The following LDB2 variants were observed in gnomAD, a reference collection of about 807,000 sequenced individuals.
LDB2 encodes LIM domain-binding protein 2.
LDB2 carries 12 observed loss-of-function variants against 44.3 expected under a neutral mutation model. The observed-to-expected ratio is 0.27, with a 90% CI of 0.17 to 0.44. The LOEUF is 0.44. Ranked by LOEUF, LDB2 falls within the 20% of genes least tolerant of loss-of-function variation. The pLI is 1.00. For synonymous variants in LDB2, 164 were observed against 174.8 expected (o/e 0.94, Z 0.49); for missense variants, 344 against 473.5 (o/e 0.73, Z 2.54).
At chr4:16,772,374 A>T (rs77950873) in intron 1 of LDB2, among the ~76,000 whole-genome samples, 6,159 of 152,318 alleles carry the variant, frequency 0.04, 189 homozygotes, top group Non-Finnish European at 0.058. Flanking sequence ...CTGCCTGAAT[A>T]AATGAATACA....
chr4:16,742,920 G>A (rs917559150), intron 2 of LDB2, among the ~76,000 whole-genome samples: 1 of 152,036 alleles, frequency 6.6e-6, no homozygotes, highest in Non-Finnish European at 1.5e-5. Flanking sequence ...CATTGCCTCT[G>A]CCATGCCTCC....
At chr4:16,730,068 C>T (rs1760416002) in intron 2 of LDB2, among the ~76,000 whole-genome samples, 1 of 152,126 alleles carries the variant, frequency 6.6e-6, no homozygotes, top group Non-Finnish European at 1.5e-5. Context: ...CAGGTCTGTT[C>T]TATTCTATTC....
At chr4:16,779,596 AT>A (rs1212160714) in intron 1 of LDB2, among the ~76,000 whole-genome samples, 1 of 152,212 alleles carries the variant, frequency 6.6e-6, no homozygotes, top group Admixed American at 6.5e-5. Context: ...CATAGGAGAC[AT>A]GGCTGCGTCC....
chr4:16,606,199 T>G (rs1182179334), intron 2 of LDB2, among the ~76,000 whole-genome samples: 2 of 152,194 alleles, frequency 1.3e-5, no homozygotes, highest in Non-Finnish European at 2.9e-5. Flanking sequence ...TAGTCAATAA[T>G]ACGCTTTCAG....
intron 1 of LDB2, among the ~76,000 whole-genome samples, chr4:16,768,434 A>G (rs1236930970): frequency 1.3e-5 from 2 of 152,308 alleles, no homozygotes; most frequent in African/African-American, 4.8e-5. Context: ...CCTTTCTCAG[A>G]AGATACTGAA....
chr4:16,614,586 A>C (rs1218107962), intron 2 of LDB2, among the ~76,000 whole-genome samples: 115 of 151,142 alleles, frequency 7.6e-4, no homozygotes, highest in African/African-American at 1.4e-3. Context: ...AAAACAAAAA[A>C]AAAAAAAAAA....
intron 1 of LDB2, among the ~76,000 whole-genome samples, chr4:16,774,811 G>C (rs1295415993): frequency 6.6e-6 from 1 of 152,126 alleles, no homozygotes; most frequent in Admixed American, 6.5e-5. Context: ...AAAATACCTA[G>C]TAATAAAAGG....
chr4:16,718,481 C>T (rs898362754), intron 2 of LDB2, among the ~76,000 whole-genome samples: 1 of 152,106 alleles, frequency 6.6e-6, no homozygotes, highest in African/African-American at 2.4e-5. Flanking sequence ...TTGCTGCTAT[C>T]TTTAACCCAC....
intron 5 of LDB2, among the ~76,000 whole-genome samples, chr4:16,566,051 G>C (rs1371527591): frequency 6.6e-6 from 1 of 151,866 alleles, no homozygotes; most frequent in African/African-American, 2.4e-5. Context: ...GAGTTCATTG[G>C]AGAAGCTATC....
intron 2 of LDB2, among the ~76,000 whole-genome samples, chr4:16,747,716 A>C (rs1764673502): frequency 6.6e-6 from 1 of 152,182 alleles, no homozygotes; most frequent in Non-Finnish European, 1.5e-5. Context: ...CACAGACACA[A>C]ATAATTATCC....
intron 1 of LDB2, among the ~76,000 whole-genome samples, chr4:16,835,592 A>G (rs1784767942): frequency 1.3e-5 from 2 of 152,242 alleles, no homozygotes; most frequent in Admixed American, 6.5e-5. Flanking sequence ...TGTAGATATA[A>G]GTTTTAATTT....
intron 1 of LDB2, among the ~76,000 whole-genome samples, chr4:16,796,927 TAAGAA>T (rs954729533): frequency 6.6e-6 from 1 of 152,048 alleles, no homozygotes; most frequent in African/African-American, 2.4e-5. Flanking sequence ...TTAACAAACA[TAAGAA>T]AAGTCTGAGA....
chr4:16,790,921 C>CCAGGGT (rs1775566456), intron 1 of LDB2, among the ~76,000 whole-genome samples: 2 of 133,762 alleles, frequency 1.5e-5, no homozygotes, highest in Admixed American at 7.6e-5. Flanking sequence ...CAATCCAGGA[C>CCAGGGT]TTAGGCTGTG....
chr4:16,537,675 G>A (rs1219394143), intron 5 of LDB2, among the ~76,000 whole-genome samples: 1 of 152,178 alleles, frequency 6.6e-6, no homozygotes, highest in African/African-American at 2.4e-5. Flanking sequence ...ACAATCCTGA[G>A]AGGAGGGTCA....
At chr4:16,574,563 T>A (rs1387006829) in intron 5 of LDB2, among the ~76,000 whole-genome samples, 1 of 152,192 alleles carries the variant, frequency 6.6e-6, no homozygotes, top group Non-Finnish European at 1.5e-5. Context: ...ACATGCATTA[T>A]TATTTTCACC....
At chr4:16,775,890 G>A (rs944838270) in intron 1 of LDB2, among the ~76,000 whole-genome samples, 1 of 152,168 alleles carries the variant, frequency 6.6e-6, no homozygotes, top group Non-Finnish European at 1.5e-5. Flanking sequence ...CCTCTATTTT[G>A]CACACCAACC....
chr4:16,672,502 C>T (rs1745049892), intron 2 of LDB2, among the ~76,000 whole-genome samples: 1 of 152,194 alleles, frequency 6.6e-6, no homozygotes, highest in African/African-American at 2.4e-5. Flanking sequence ...GAACTGAGCC[C>T]TTACTTTCTT....
At chr4:16,537,950 A>C (rs1448163610) in intron 5 of LDB2, among the ~76,000 whole-genome samples, 1 of 152,212 alleles carries the variant, frequency 6.6e-6, no homozygotes, top group Non-Finnish European at 1.5e-5. Flanking sequence ...AAAGTGAGCC[A>C]AACTGTCAAG....
chr4:16,590,083 G>A (rs1718379563), intron 3 of LDB2, among the ~76,000 whole-genome samples: 1 of 152,182 alleles, frequency 6.6e-6, no homozygotes, highest in South Asian at 2.1e-4. Context: ...CGCTAGACCA[G>A]TAATGGTCAT....
Sources: gnomAD v4.1 joint callset for allele counts (sites outside exome capture counted in the v4.1 genomes callset) on GRCh38, gnomAD v4.1.1 for gene constraint, MANE v1.5 for transcripts, NCBI Gene and HGNC (gene_info 2026-07-23, HGNC 2026-07-21) for gene names.